Variants in SREK1IP1 observed in about 807,000 individuals in gnomAD.
SREK1IP1 encodes protein SREK1IP1.
In SREK1IP1, 12 loss-of-function variants were observed where a neutral mutation model predicts 22.8. That is an observed-to-expected ratio of 0.53 (90% CI 0.34 to 0.85). The LOEUF (loss-of-function observed/expected upper bound fraction) is 0.85, where lower values mean the gene tolerates loss of function less well. Among genes scored for constraint, SREK1IP1 ranks in the 40% least tolerant of loss-of-function variants. The probability of loss-of-function intolerance (pLI) is 0.02; values close to 1 mark genes in which losing one functional copy is unlikely to be tolerated. For missense variants in SREK1IP1, 147 were observed against 171.8 expected (o/e 0.86, Z 0.81); for synonymous variants, 53 against 52.7 (o/e 1.01, Z -0.02).
intron 2 of SREK1IP1, among the ~76,000 whole-genome samples, chr5:64,750,801 A>G (rs1276676365): frequency 6.6e-6 from 1 of 152,180 alleles, no homozygotes; most frequent in Non-Finnish European, 1.5e-5. Flanking sequence ...TATCCTTGTC[A>G]TACCTCTTAG....
intron 2 of SREK1IP1, among the ~76,000 whole-genome samples, chr5:64,743,591 A>T (rs1359393895): frequency 6.6e-6 from 1 of 152,200 alleles, no homozygotes; most frequent in African/African-American, 2.4e-5. Context: ...TTGATTTGTC[A>T]ATAATTGCTA....
chr5:64,730,473 G>A (rs1003518294), intron 3 of SREK1IP1, among the ~76,000 whole-genome samples: 2 of 152,118 alleles, frequency 1.3e-5, no homozygotes. Flanking sequence ...GACGCAGAGA[G>A]GGGATAACTG....
chr5:64,724,666 G>C, intron 4 of SREK1IP1, 93 bp from the exon 5 acceptor site: 1 of 980,158 alleles, frequency 1.0e-6, no homozygotes, highest in Non-Finnish European at 1.5e-6. Flanking sequence ...TCTTCTTGGA[G>C]TAAGGTAGGG....
intron 1 of SREK1IP1, among the ~76,000 whole-genome samples, chr5:64,761,578 T>C (rs568695418): frequency 2.0e-5 from 3 of 152,330 alleles, no homozygotes; most frequent in African/African-American, 7.2e-5. Context: ...TGGTGAGTAC[T>C]TGTGTATCTA....
intron 2 of SREK1IP1, among the ~76,000 whole-genome samples, chr5:64,747,955 G>A (rs1742671577): frequency 6.6e-6 from 1 of 151,992 alleles, no homozygotes; most frequent in South Asian, 2.1e-4. Flanking sequence ...AACCAGTTTG[G>A]CAGTTTTTCA....
intron 2 of SREK1IP1, among the ~76,000 whole-genome samples, chr5:64,750,851 AAT>A (rs1450866658): frequency 6.6e-6 from 1 of 152,134 alleles, no homozygotes; most frequent in Non-Finnish European, 1.5e-5. Flanking sequence ...CAGTATTTGT[AAT>A]ATGTCCTCTA....
At chr5:64,756,949 T>A (rs1742852342) in intron 1 of SREK1IP1, among the ~76,000 whole-genome samples, 1 of 152,158 alleles carries the variant, frequency 6.6e-6, no homozygotes, top group Non-Finnish European at 1.5e-5. Flanking sequence ...TCCCAAACCC[T>A]TGAAATGGAG....
intron 2 of SREK1IP1, among the ~76,000 whole-genome samples, chr5:64,744,392 C>A (rs1742598230): frequency 6.6e-6 from 1 of 152,110 alleles, no homozygotes; most frequent in East Asian, 1.9e-4. Flanking sequence ...AATGTCTACT[C>A]CTGCTCTGAA....
intron 2 of SREK1IP1, among the ~76,000 whole-genome samples, chr5:64,744,865 C>G (rs186588858): frequency 7.2e-5 from 11 of 152,284 alleles, no homozygotes; most frequent in Admixed American, 4.6e-4. Context: ...GCTGAGGTTG[C>G]CAATTCTTAT....
chr5:64,753,597 C>A (rs950938219), intron 2 of SREK1IP1, among the ~76,000 whole-genome samples: 1 of 152,166 alleles, frequency 6.6e-6, no homozygotes, highest in African/African-American at 2.4e-5. Context: ...CTTGCATGAA[C>A]ATCTTTTTGT....
At chr5:64,731,148 A>C (rs201831193) in intron 3 of SREK1IP1, among the ~76,000 whole-genome samples, 1 of 152,194 alleles carries the variant, frequency 6.6e-6, no homozygotes, top group African/African-American at 2.4e-5. Flanking sequence ...GTGAAGAGAC[A>C]GAAAAGATCA....
At chr5:64,755,220 A>AG (rs1742818403) in intron 1 of SREK1IP1, among the ~76,000 whole-genome samples, 1 of 57,162 alleles carries the variant, frequency 1.7e-5, no homozygotes, top group South Asian at 6.8e-4. Flanking sequence ...GTATATATCC[A>AG]AAAAAAAAAA....
chr5:64,742,797 GTTCT>G (rs1392790010), intron 2 of SREK1IP1, among the ~76,000 whole-genome samples: 8 of 152,044 alleles, frequency 5.3e-5, no homozygotes, highest in African/African-American at 1.2e-4. Context: ...AATATTCTTA[GTTCT>G]TTATTTTTTT....
chr5:64,754,388 A>G (rs1742801757), intron 1 of SREK1IP1, 26 bp from the exon 2 acceptor site: 41 of 1,609,326 alleles, frequency 2.5e-5, no homozygotes, highest in Non-Finnish European at 3.4e-5. Flanking sequence ...ATAGAATTTT[A>G]GGAAGTAAAT....
rs1742096986 is a variant in SREK1IP1 at position 64,718,623 on chromosome 5, A to G, written c.*5761T>C. 6.6e-6 allele frequency: 1 copy of G among 152,210 alleles called. No homozygotes were observed. Among genetic ancestry groups the G allele is most frequent in the Admixed American group, 6.5e-5 (1 of 15,274 alleles). The allele number at this position is 152,210 out of a possible 1,614,324, so 9.4% of individuals were successfully genotyped here. A position where few individuals can be genotyped will look rare whatever the true frequency, so the allele number is the denominator to read the frequency against. On this transcript the variant is annotated 3_prime_UTR_variant, in exon 5 of 5. Transcript: ENST00000513458. ...ATATATTTCCTAAATAATCTGTATA[A>G]TGAAAGCTACAAAACAAATGAGTTC...
chr5:64,762,753 T>C (rs1742971225), intron 1 of SREK1IP1, among the ~76,000 whole-genome samples: 2 of 152,154 alleles, frequency 1.3e-5, no homozygotes, highest in Admixed American at 6.5e-5. Flanking sequence ...TAATAGTCCA[T>C]TAAAAATGCC....
intron 2 of SREK1IP1, among the ~76,000 whole-genome samples, chr5:64,749,059 C>CATAATAATA (rs58434271): frequency 1.0e-3 from 138 of 131,632 alleles, no homozygotes; most frequent in South Asian, 2.5e-3. Flanking sequence ...AGCTATGCCA[C>CATAATAATA]ATAATAATAA....
At chr5:64,756,114 T>G (rs997780839) in intron 1 of SREK1IP1, among the ~76,000 whole-genome samples, 25 of 152,148 alleles carry the variant, frequency 1.6e-4, no homozygotes, top group African/African-American at 4.8e-4. Context: ...GCTAAAGATA[T>G]AGATACCAGA....
chr5:64,741,264 T>C, intron 2 of SREK1IP1, 64 bp from the exon 3 acceptor site: 1 of 1,477,294 alleles, frequency 6.8e-7, no homozygotes, highest in Non-Finnish European at 9.2e-7. Flanking sequence ...TATTTTTGTA[T>C]GTTTTGCTGC....
Sources: gnomAD v4.1 joint callset for allele counts (sites outside exome capture counted in the v4.1 genomes callset) on GRCh38, gnomAD v4.1.1 for gene constraint, MANE v1.5 for transcripts, NCBI Gene and HGNC (gene_info 2026-07-23, HGNC 2026-07-21) for gene names.